The following ZNF724 variants were observed in gnomAD, a reference collection of about 807,000 sequenced individuals.
The protein encoded by ZNF724 is zinc finger protein 724 pseudogene.
In ZNF724, 14 loss-of-function variants were observed where a neutral mutation model predicts 29.3. The ratio of observed to expected loss-of-function variants is 0.48; its 90% CI spans 0.32 to 0.75. The LOEUF is 0.75. Among genes scored for constraint, ZNF724 ranks in the 30% least tolerant of loss-of-function variants. ZNF724 has a pLI of 0.04. For synonymous variants in ZNF724, 180 were observed against 193.6 expected (o/e 0.93, Z 0.58); for missense variants, 557 against 571.2 (o/e 0.98, Z 0.25).
Position 23,221,639 on chromosome 19 carries a change from G to A in ZNF724, c.*746C>T, listed in dbSNP as rs1187633205. The A allele has an allele frequency of 6.6e-6, 1 of 151,972 alleles. No homozygotes were observed. The highest frequency in any genetic ancestry group is 1.5e-5 in the Non-Finnish European group (1 of 68,222). The allele number at this position is 151,972 out of a possible 1,614,324, so 9.4% of individuals were successfully genotyped here. A position where few individuals can be genotyped will look rare whatever the true frequency, so the allele number is the denominator to read the frequency against. On this transcript the variant is annotated 3_prime_UTR_variant, in exon 4 of 4. Transcript: ENST00000418100. The stretch of plus-strand genomic sequence containing the variant: ...TGGAGTGCCCAGGCTGGAGTGTGGT[G>A]GCACAAACTCAGCTCACTGCAACCT...
At chr19:23,230,261 T>C (rs369201821) in intron 3 of ZNF724, among the ~76,000 whole-genome samples, 8 of 151,772 alleles carry the variant, frequency 5.3e-5, no homozygotes, top group African/African-American at 1.9e-4. Flanking sequence ...TTTGTGTGTA[T>C]GGATTGAAAG....
Position 23,250,254 on chromosome 19 carries a change from CA to C in ZNF724, c.-13del, listed in dbSNP as rs1254558698. The stretch of plus-strand genomic sequence containing the variant: ...GCCACTCTCACCATTTCTAGGCTTC[CA>C]GGGGAGGCCCTGGCGTCTTAGCTGT... On this transcript the variant is annotated 5_prime_UTR_variant, in exon 1 of 4. Transcript: ENST00000418100. 1 of 685,460 alleles carries C rather than the reference CA, an allele frequency of 1.5e-6. No homozygotes were observed. The highest frequency in any genetic ancestry group is 2.5e-6 in the Non-Finnish European group (1 of 394,382). The allele number at this position is 685,460 out of a possible 1,614,324, so 42.5% of individuals were successfully genotyped here.
intron 1 of ZNF724, among the ~76,000 whole-genome samples, chr19:23,232,652 A>T (rs1055004038): frequency 1.3e-5 from 2 of 150,448 alleles, no homozygotes; most frequent in African/African-American, 4.9e-5. Flanking sequence ...TCAAATTTTA[A>T]TGTGTACAAT....
chr19:23,232,376 G>A (rs928910911), intron 1 of ZNF724, 83 bp from the exon 2 acceptor site: 2 of 744,368 alleles, frequency 2.7e-6, no homozygotes, highest in Admixed American at 2.3e-5. Flanking sequence ...AAAGACTAAG[G>A]AGTACTCATT....
At chr19:23,240,682 C>T (rs905180283) in intron 1 of ZNF724, among the ~76,000 whole-genome samples, 6 of 149,200 alleles carry the variant, frequency 4.0e-5, no homozygotes, top group South Asian at 2.1e-4. Context: ...ATCATTCCAC[C>T]GCACTCCAGC....
chr19:23,250,393 G>T lies in ZNF724; in HGVS notation c.-151C>A. 2.3e-6 allele frequency: 1 copy of T among 442,022 alleles called. No individual in the cohort carries two copies. 27.4% of individuals were successfully genotyped at this position (442,022 alleles called of 1,614,324 possible). A position where few individuals can be genotyped will look rare whatever the true frequency, so the allele number is the denominator to read the frequency against. ...GCTCCAGCTGCAGCGAGAGACAAAG[G>T]CCCCGCCAAATCCCGGAAGCCGCCC... On this transcript the variant is annotated 5_prime_UTR_variant, in exon 1 of 4. Coordinates refer to ENST00000418100, the MANE Select transcript of ZNF724 (RefSeq NM_001355404.2).
At chr19:23,241,433 A>G (rs1004481306) in intron 1 of ZNF724, among the ~76,000 whole-genome samples, 1 of 152,226 alleles carries the variant, frequency 6.6e-6, no homozygotes, top group Admixed American at 6.5e-5. Flanking sequence ...TGGCAGAGAC[A>G]AAACAACCCA....
intron 1 of ZNF724, among the ~76,000 whole-genome samples, chr19:23,245,114 CTT>C (rs1972213438): frequency 6.6e-6 from 1 of 152,174 alleles, no homozygotes; most frequent in East Asian, 1.9e-4. Flanking sequence ...ATGATGCACT[CTT>C]TTCTTACCTA....
chr19:23,232,405 T>C (rs1971952355), intron 1 of ZNF724, 112 bp from the exon 2 acceptor site: 1 of 646,840 alleles, frequency 1.5e-6, no homozygotes, highest in Non-Finnish European at 2.8e-6. Flanking sequence ...TAAAAGTGAA[T>C]GAAATTATCC....
At chr19:23,249,726 G>T (rs1048774859) in intron 1 of ZNF724, among the ~76,000 whole-genome samples, 48 of 152,074 alleles carry the variant, frequency 3.2e-4, no homozygotes, top group African/African-American at 1.2e-3. Context: ...TAGAGATGGG[G>T]TTTCGCCATG....
chr19:23,226,651 A>G (rs1053681161), intron 3 of ZNF724, among the ~76,000 whole-genome samples: 19 of 152,212 alleles, frequency 1.2e-4, no homozygotes, highest in African/African-American at 4.6e-4. Context: ...TATTAAACAC[A>G]GTGTAGAAAT....
rs555662046 is a variant in ZNF724, at chr19:23,229,089, G to C, written c.226+2177C>G. On this transcript the variant is annotated intron_variant, in intron 3 of 3. Coordinates refer to ENST00000418100, the MANE Select transcript of ZNF724 (RefSeq NM_001355404.2). Reference sequence around the variant, plus strand: ...AAAGAAAAAAAAAAAGAGAGATTGAGAGAGAGAGCTTTGAGATCCAGGGAG... The same window carrying C: ...AAAGAAAAAAAAAAAGAGAGATTGACAGAGAGAGCTTTGAGATCCAGGGAG... Among the ~76,000 whole-genome samples, 5 of 151,870 alleles carry C rather than the reference G, an allele frequency of 3.3e-5. No homozygotes were observed. In the South Asian group the frequency reaches 1.0e-3, roughly 32 times the overall value.
chr19:23,231,989 G>A (rs1268103865), intron 2 of ZNF724, among the ~76,000 whole-genome samples, 178 bp downstream of exon 2: 2 of 151,860 alleles, frequency 1.3e-5, no homozygotes, highest in Non-Finnish European at 2.9e-5. Context: ...CACCCGCCTT[G>A]GCCACCCAAA....
intron 3 of ZNF724, among the ~76,000 whole-genome samples, chr19:23,228,727 C>T (rs987151362): frequency 6.6e-6 from 1 of 151,944 alleles, no homozygotes; most frequent in Admixed American, 6.6e-5. Context: ...CGTGAAACCC[C>T]GTCTCTACTA....
chr19:23,243,475 C>CAAAAAAAAAAAAAAA lies in ZNF724; in HGVS notation c.3+6750_3+6764dup, dbSNP rs61241201. 9.3e-4 allele frequency among the ~76,000 whole-genome samples: 29 copies of CAAAAAAAAAAAAAAA among 31,184 alleles called. 1 individual carries two copies. The highest frequency in any genetic ancestry group is 2.9e-3 in the African/African-American group (19 of 6,502). The allele number at this position is 31,184 out of a possible 152,430, so 20.5% of individuals were successfully genotyped here. A position where few individuals can be genotyped will look rare whatever the true frequency, so the allele number is the denominator to read the frequency against. On this transcript the variant is annotated intron_variant, in intron 1 of 3. Coordinates refer to ENST00000418100, the MANE Select transcript of ZNF724 (RefSeq NM_001355404.2). Reference sequence around the variant, plus strand: ...TGAGTGACAGAGCGAGAGTCCATCTCAAAAAAAAAAAAAAAAAAAAAAAAA... The same window carrying CAAAAAAAAAAAAAAA: ...TGAGTGACAGAGCGAGAGTCCATCTCAAAAAAAAAAAAAAAAAAAAAAAAAAAAAAAAAAAAAAAA...
In ZNF724 at chr19:23,222,844, T is replaced by C. The variant is rs752702089; in HGVS notation, c.1401A>G (p.Glu467=). ...KAFKRSSNLT[E]HRIIHTGEKP... ...TCTCTCCAGTATGAATTATCCTATG[T>C]TCAGTAAGGTTTGAGGACCGCTTAA... The change falls in exon 4 of 4, where the codon GAA becomes GAG. Residue 467 remains glutamate (E), a synonymous_variant. Transcript: ENST00000418100. 7.1e-7 allele frequency: 1 copy of C among 1,414,506 alleles called. No individual in the cohort carries two copies. The highest frequency in any genetic ancestry group is 1.2e-5 in the South Asian group (1 of 84,984). 87.6% of individuals were successfully genotyped at this position (1,414,506 alleles called of 1,614,324 possible).
At chr19:23,231,422 T>TA in intron 2 of ZNF724, 61 bp from the exon 3 acceptor site, 1 of 1,121,740 alleles carries the variant, frequency 8.9e-7, no homozygotes. Flanking sequence ...ATGTGCTCAG[T>TA]AAAAAGGGTG....
intron 1 of ZNF724, among the ~76,000 whole-genome samples, chr19:23,238,354 A>G (rs4093387): frequency 0.85 from 129,097 of 151,812 alleles, 54,931 homozygotes; most frequent in South Asian, 0.93. Context: ...GCGAGACTCC[A>G]CCTCAAAAAA....
chr19:23,250,205 C>T, intron 1 of ZNF724, 35 bp downstream of exon 1: 1 of 600,442 alleles, frequency 1.7e-6, no homozygotes, highest in Non-Finnish European at 3.2e-6. Flanking sequence ...CCAGCCCCTC[C>T]CTCTCTCTCC....
Sources: gnomAD v4.1 joint callset for allele counts (sites outside exome capture counted in the v4.1 genomes callset) on GRCh38, gnomAD v4.1.1 for gene constraint, MANE v1.5 for transcripts, NCBI Gene and HGNC (gene_info 2026-07-23, HGNC 2026-07-21) for gene names.